GRID2: variants seen among roughly 807,000 people sequenced by gnomAD.
The protein encoded by GRID2 is glutamate ionotropic receptor delta type subunit 2, also known as glutamate receptor ionotropic, delta-2.
GRID2 carries 33 observed loss-of-function variants against 114.8 expected under a neutral mutation model. That is an observed-to-expected ratio of 0.29 (90% CI 0.22 to 0.38). GRID2 has a LOEUF of 0.38. Ranked by LOEUF, GRID2 falls within the 10% of genes least tolerant of loss-of-function variation. The pLI is 1.00. For missense variants in GRID2, 1,184 were observed against 1,257.7 expected, an observed-to-expected ratio of 0.94 and a Z score of 0.89; for synonymous variants, 505 against 449.9, an observed-to-expected ratio of 1.12 and a Z score of -1.55.
intron 2 of GRID2, among the ~76,000 whole-genome samples, chr4:93,074,586 A>T (rs1729094316): frequency 6.6e-6 from 1 of 152,184 alleles, no homozygotes; most frequent in Non-Finnish European, 1.5e-5. Flanking sequence ...CTTCTACCTC[A>T]GAAAAAGAAA....
chr4:93,251,149 A>G (rs181161835), intron 8 of GRID2, among the ~76,000 whole-genome samples: 253 of 152,200 alleles, frequency 1.7e-3, no homozygotes, highest in African/African-American at 5.6e-3. Context: ...ATGGAATAAC[A>G]TTTATTTTCT....
intron 2 of GRID2, among the ~76,000 whole-genome samples, chr4:92,957,760 A>G (rs752017697): frequency 8.5e-5 from 13 of 152,096 alleles, no homozygotes; most frequent in Non-Finnish European, 1.8e-4. Flanking sequence ...GACATATTGA[A>G]AATATTGAAT....
intron 11 of GRID2, among the ~76,000 whole-genome samples, chr4:93,471,720 A>G (rs1404032961): frequency 1.6e-4 from 3 of 18,644 alleles, no homozygotes; most frequent in Admixed American, 7.1e-4. Flanking sequence ...TTTTTTGGAG[A>G]CGGAGTTTTT....
intron 1 of GRID2, among the ~76,000 whole-genome samples, chr4:92,321,190 G>T (rs1048790418): frequency 1.3e-5 from 2 of 152,202 alleles, no homozygotes; most frequent in Admixed American, 1.3e-4. Flanking sequence ...AAGTGGGACA[G>T]AGATCCCATT....
At chr4:93,066,424 G>A (rs1728302916) in intron 2 of GRID2, among the ~76,000 whole-genome samples, 1 of 151,826 alleles carries the variant, frequency 6.6e-6, no homozygotes, top group Non-Finnish European at 1.5e-5. Flanking sequence ...AGTTCTCTCT[G>A]CCTGACACAG....
chr4:92,813,685 CACTT>C (rs1322275091), intron 2 of GRID2, among the ~76,000 whole-genome samples: 2 of 151,978 alleles, frequency 1.3e-5, no homozygotes, highest in Non-Finnish European at 2.9e-5. Flanking sequence ...TACTCACACA[CACTT>C]TTTAAGATGT....
At chr4:92,810,597 C>T (rs1229671186) in intron 2 of GRID2, among the ~76,000 whole-genome samples, 6 of 151,926 alleles carry the variant, frequency 3.9e-5, no homozygotes, top group Admixed American at 6.6e-5. Flanking sequence ...TGTAGATATA[C>T]AAGGTTGTGT....
chr4:92,688,755 A>G (rs74288594), intron 2 of GRID2, among the ~76,000 whole-genome samples: 1 of 152,116 alleles, frequency 6.6e-6, no homozygotes, highest in East Asian at 1.9e-4. Context: ...AACTTCTTTT[A>G]ATGTTGATAT....
In GRID2 at chr4:92,939,590, T is replaced by C. The variant is rs1044439705; in HGVS notation, c.245-145405T>C. ...TTTAATGAGATCCCATTTGTCAATT[T>C]TGGCTTTTGTTGCCATTGCTTTTGG... is the stretch of plus-strand genomic sequence containing the variant. On this transcript the variant is annotated intron_variant, in intron 2 of 15. Coordinates refer to ENST00000282020, the MANE Select transcript of GRID2 (RefSeq NM_001510.4). 7.4e-4 allele frequency among the ~76,000 whole-genome samples: 109 copies of C among 147,500 alleles called. 8 individuals are homozygous for C. Among genetic ancestry groups the C allele is most frequent in the Non-Finnish European group, 1.1e-3 (71 of 66,528 alleles).
At chr4:92,408,768 G>A (rs1048330969) in intron 1 of GRID2, among the ~76,000 whole-genome samples, 6 of 151,612 alleles carry the variant, frequency 4.0e-5, no homozygotes, top group Admixed American at 1.3e-4. Context: ...TCTTGATTTG[G>A]TTCTCAGCTA....
intron 1 of GRID2, among the ~76,000 whole-genome samples, chr4:92,585,519 G>T (rs1251127089): frequency 6.6e-6 from 1 of 151,942 alleles, no homozygotes; most frequent in Non-Finnish European, 1.5e-5. Context: ...CTATTGATTT[G>T]CAAGAGGAAT....
intron 1 of GRID2, among the ~76,000 whole-genome samples, chr4:92,579,027 A>G (rs533137136): frequency 6.6e-6 from 1 of 152,236 alleles, no homozygotes; most frequent in South Asian, 2.1e-4. Context: ...ATATTTTTTG[A>G]GTTTTAATCT....
chr4:93,375,475 T>C (rs900451192), intron 8 of GRID2, among the ~76,000 whole-genome samples: 4 of 152,064 alleles, frequency 2.6e-5, no homozygotes, highest in African/African-American at 9.7e-5. Flanking sequence ...TTTCCCAAAG[T>C]GCTGGGATTA....
intron 1 of GRID2, among the ~76,000 whole-genome samples, chr4:92,442,954 T>A (rs1055584659): frequency 1.3e-5 from 2 of 151,730 alleles, no homozygotes; most frequent in South Asian, 4.2e-4. Flanking sequence ...ATAAAAAGAT[T>A]ATAGGGTGGA....
chr4:93,106,714 C>T (rs1010268927), intron 3 of GRID2, among the ~76,000 whole-genome samples: 19 of 151,892 alleles, frequency 1.3e-4, no homozygotes, highest in African/African-American at 4.1e-4. Flanking sequence ...TGCCACATAT[C>T]ATGGGTATTT....
chr4:92,974,884 G>A (rs1410049893), intron 2 of GRID2, among the ~76,000 whole-genome samples: 3 of 151,818 alleles, frequency 2.0e-5, no homozygotes, highest in Admixed American at 6.6e-5. Context: ...CAGGCCGGGA[G>A]CGGCGGCTCA....
At chr4:92,758,089 A>G (rs1737819590) in intron 2 of GRID2, among the ~76,000 whole-genome samples, 1 of 152,092 alleles carries the variant, frequency 6.6e-6, no homozygotes, top group African/African-American at 2.4e-5. Context: ...AATTTCAATA[A>G]GGAGAACAGA....
At chr4:93,083,877 T>G (rs1000811886) in intron 2 of GRID2, among the ~76,000 whole-genome samples, 2 of 152,238 alleles carry the variant, frequency 1.3e-5, no homozygotes, top group East Asian at 1.9e-4. Flanking sequence ...GATGATGATA[T>G]GCTTATCATT....
chr4:92,550,714 C>T (rs970350639), intron 1 of GRID2, among the ~76,000 whole-genome samples: 5 of 151,660 alleles, frequency 3.3e-5, no homozygotes, highest in East Asian at 1.9e-4. Context: ...AAAAACAAAA[C>T]GAAAACATGA....
Sources: gnomAD v4.1 joint callset for allele counts (sites outside exome capture counted in the v4.1 genomes callset) on GRCh38, gnomAD v4.1.1 for gene constraint, MANE v1.5 for transcripts, NCBI Gene and HGNC (gene_info 2026-07-23, HGNC 2026-07-21) for gene names.